LIPC: variants seen among roughly 807,000 people sequenced by gnomAD.
LIPC encodes the protein lipase C, hepatic type.
LIPC carries 44 observed loss-of-function variants against 50.7 expected under a neutral mutation model. The ratio of observed to expected loss-of-function variants is 0.87; its 90% CI spans 0.68 to 1.11. The LOEUF (loss-of-function observed/expected upper bound fraction) is 1.11, where lower values mean the gene tolerates loss of function less well. Among genes scored for constraint, LIPC ranks in the 50% most tolerant of loss-of-function variants. LIPC has a pLI of 0.00. For missense variants in LIPC, 697 were observed against 648.2 expected (o/e 1.08, Z -0.82); for synonymous variants, 271 against 256.4 (o/e 1.06, Z -0.54).
At chr15:58,560,836 C>A in intron 6 of LIPC, 28 bp from the exon 7 acceptor site, 1 of 884,984 alleles carries the variant, frequency 1.1e-6, no homozygotes, top group Non-Finnish European at 1.9e-6. Context: ...AATTATCTCT[C>A]TCTTTCTCTC....
intron 1 of LIPC, among the ~76,000 whole-genome samples, chr15:58,519,918 G>A (rs1176969574): frequency 2.0e-5 from 3 of 152,152 alleles, no homozygotes; most frequent in South Asian, 2.1e-4. Flanking sequence ...CGTTATCTTC[G>A]CTGCTATTTG....
At position 58,538,387 on chromosome 15, in the gene LIPC, T is replaced by G. The variant is rs145223292; in HGVS notation, c.143T>G (p.Met48Arg). Residue 48 changes from methionine (M) to arginine (R), a missense_variant, in exon 2 of 9, where the codon ATG (methionine) becomes AGG (arginine). Physicochemically the swap from Met to Arg is moderately conservative, Grantham distance 91. Coordinates refer to ENST00000299022, the MANE Select transcript of LIPC (RefSeq NM_000236.3). Reference sequence around the variant, plus strand: ...GAAACAAACAAAACGCTGCATGAGATGAAGACCAGATTCCTGCTCTTTGGA... The same window carrying G: ...GAAACAAACAAAACGCTGCATGAGAGGAAGACCAGATTCCTGCTCTTTGGA... ...AVETNKTLHE[M>R]KTRFLLFGET... 4.3e-6 allele frequency: 7 copies of G among 1,614,000 alleles called. No individual in the cohort carries two copies. In the African/African-American group the frequency reaches 9.3e-5, roughly 22 times the overall value.
chr15:58,525,045 A>T (rs2140881720), intron 1 of LIPC, among the ~76,000 whole-genome samples: 1 of 152,140 alleles, frequency 6.6e-6, no homozygotes, highest in East Asian at 1.9e-4. Context: ...TCATTTTATG[A>T]TTCCTGTTAT....
chr15:58,548,340 G>T lies in LIPC; in HGVS notation c.819G>T (p.Gln273His). ...IAQHGFNAIT[Q>H]TIKCSHERSV... ...TGCCCTGTGTTCCAGCCATCACCCA[G>T]ACCATAAAATGCTCCCACGAGCGAT... The change falls in exon 6 of 9, where the codon CAG becomes CAT. Residue 273 changes from glutamine (Q) to histidine (H), a missense_variant. By Grantham distance (24) the Gln-to-His change is conservative. Coordinates refer to ENST00000299022, the MANE Select transcript of LIPC (RefSeq NM_000236.3). 1 of 1,614,096 alleles carries T rather than the reference G, an allele frequency of 6.2e-7. No individual in the cohort carries two copies. Among genetic ancestry groups the T allele is most frequent in the South Asian group, 1.1e-5 (1 of 91,060 alleles).
chr15:58,549,792 G>A (rs542169958), intron 6 of LIPC, among the ~76,000 whole-genome samples: 26 of 152,286 alleles, frequency 1.7e-4, no homozygotes, highest in Admixed American at 7.8e-4. Flanking sequence ...AGGATCTTTC[G>A]GGCCAAAGGG....
chr15:58,501,448 T>G (rs1011410458), intron 1 of LIPC, among the ~76,000 whole-genome samples: 18 of 151,792 alleles, frequency 1.2e-4, no homozygotes, highest in Non-Finnish European at 1.3e-4. Context: ...GATCTTCTCC[T>G]AAAATGACAA....
At chr15:58,535,704 A>G (rs1893095101) in intron 1 of LIPC, among the ~76,000 whole-genome samples, 1 of 152,206 alleles carries the variant, frequency 6.6e-6, no homozygotes. Context: ...TCTCTTCTCT[A>G]GGTTCTAATT....
At chr15:58,432,985 CT>C (rs1193169999) in intron 1 of LIPC, among the ~76,000 whole-genome samples, 1 of 152,178 alleles carries the variant, frequency 6.6e-6, no homozygotes, top group African/African-American at 2.4e-5. Flanking sequence ...ATTTCAGAAG[CT>C]TTTTTCCCCT....
chr15:58,549,780 G>A (rs1419419388), intron 6 of LIPC, among the ~76,000 whole-genome samples: 1 of 152,212 alleles, frequency 6.6e-6, no homozygotes, highest in Non-Finnish European at 1.5e-5. Flanking sequence ...TGGTGTGAGG[G>A]CAGGATCTTT....
At chr15:58,480,538 G>A (rs188495605) in intron 1 of LIPC, among the ~76,000 whole-genome samples, 2 of 152,028 alleles carry the variant, frequency 1.3e-5, no homozygotes, top group Non-Finnish European at 2.9e-5. Flanking sequence ...CAAGTGATCC[G>A]CCCCCACCTT....
At chr15:58,549,561 C>T (rs780515436) in intron 6 of LIPC, among the ~76,000 whole-genome samples, 5 of 152,306 alleles carry the variant, frequency 3.3e-5, no homozygotes, top group Admixed American at 6.5e-5. Context: ...CGTGGGGTGC[C>T]CACAGCTGTG....
At chr15:58,448,573 G>T (rs1893784718) in intron 1 of LIPC, among the ~76,000 whole-genome samples, 1 of 152,260 alleles carries the variant, frequency 6.6e-6, no homozygotes, top group African/African-American at 2.4e-5. Context: ...CTCAGAGTGT[G>T]AAGGAGAGCA....
At chr15:58,440,882 T>C (rs1307183962) in intron 1 of LIPC, among the ~76,000 whole-genome samples, 3 of 151,952 alleles carry the variant, frequency 2.0e-5, no homozygotes, top group African/African-American at 4.8e-5. Context: ...AAGTTGGGAA[T>C]TCTTGAGATT....
intron 1 of LIPC, among the ~76,000 whole-genome samples, chr15:58,441,103 C>T (rs1488404552): frequency 6.6e-6 from 1 of 152,198 alleles, no homozygotes; most frequent in African/African-American, 2.4e-5. Context: ...GAACAAGGTT[C>T]CCAGCAGGCA....
intron 1 of LIPC, among the ~76,000 whole-genome samples, chr15:58,513,654 C>G (rs1369143004): frequency 6.6e-6 from 1 of 152,188 alleles, no homozygotes; most frequent in African/African-American, 2.4e-5. Flanking sequence ...AAGCTGACTA[C>G]TTAAACTTTT....
At chr15:58,448,508 G>C (rs1893781053) in intron 1 of LIPC, among the ~76,000 whole-genome samples, 1 of 152,262 alleles carries the variant, frequency 6.6e-6, no homozygotes, top group South Asian at 2.1e-4. Flanking sequence ...CTCCCTCCCT[G>C]GGGAGGAGAC....
At chr15:58,457,836 A>C (rs1223386515) in intron 1 of LIPC, among the ~76,000 whole-genome samples, 2 of 152,186 alleles carry the variant, frequency 1.3e-5, no homozygotes, top group Non-Finnish European at 2.9e-5. Context: ...CGTGATTCAC[A>C]CAATTCCTTT....
chr15:58,462,490 A>T (rs897301655), intron 1 of LIPC, among the ~76,000 whole-genome samples: 1 of 152,098 alleles, frequency 6.6e-6, no homozygotes, highest in Non-Finnish European at 1.5e-5. Context: ...CCTGCCCTTA[A>T]TCCATCCAAT....
chr15:58,567,707 C>T (rs1894438828), intron 8 of LIPC, among the ~76,000 whole-genome samples: 1 of 150,936 alleles, frequency 6.6e-6, no homozygotes, highest in Non-Finnish European at 1.5e-5. Flanking sequence ...AGACTTCTAC[C>T]TACTGATATG....
Sources: gnomAD v4.1 joint callset for allele counts (sites outside exome capture counted in the v4.1 genomes callset) on GRCh38, gnomAD v4.1.1 for gene constraint, MANE v1.5 for transcripts, NCBI Gene and HGNC (gene_info 2026-07-23, HGNC 2026-07-21) for gene names.